The following RUNX2 variants were observed in gnomAD, a reference collection of about 807,000 sequenced individuals.
The protein encoded by RUNX2 is runt-related transcription factor 2.
RUNX2 carries 10 observed loss-of-function variants against 51.7 expected under a neutral mutation model. The observed-to-expected ratio is 0.19, with a 90% CI of 0.12 to 0.33. The LOEUF is 0.33. Among genes scored for constraint, RUNX2 ranks in the 10% least tolerant of loss-of-function variants. RUNX2 has a pLI of 1.00. For synonymous variants in RUNX2, 276 were observed against 273.6 expected, an observed-to-expected ratio of 1.01 and a Z score of -0.09; for missense variants, 562 against 691.3, an observed-to-expected ratio of 0.81 and a Z score of 2.10.
At chr6:45,397,323 A>T (rs1395913787) in intron 2 of RUNX2, among the ~76,000 whole-genome samples, 2 of 151,712 alleles carry the variant, frequency 1.3e-5, no homozygotes, top group African/African-American at 2.4e-5. Context: ...CTTAGCCAGG[A>T]TGGTCTCGAT....
intron 7 of RUNX2, among the ~76,000 whole-genome samples, chr6:45,513,289 G>T (rs139253211): frequency 6.6e-6 from 1 of 152,058 alleles, no homozygotes; most frequent in African/African-American, 2.4e-5. Context: ...AATGACGTAC[G>T]TCCACAGAGG....
At chr6:45,397,880 A>G (rs1045649832) in intron 2 of RUNX2, among the ~76,000 whole-genome samples, 2 of 152,222 alleles carry the variant, frequency 1.3e-5, no homozygotes, top group Non-Finnish European at 2.9e-5. Context: ...TGGAATAACA[A>G]TATTGACCTA....
chr6:45,525,765 C>T (rs1312412218), intron 7 of RUNX2, among the ~76,000 whole-genome samples: 2 of 152,188 alleles, frequency 1.3e-5, no homozygotes, highest in East Asian at 1.9e-4. Context: ...GAGGCTGAGG[C>T]GGGCAGTTTG....
At chr6:45,362,779 T>C (rs901861534) in intron 2 of RUNX2, among the ~76,000 whole-genome samples, 1 of 152,102 alleles carries the variant, frequency 6.6e-6, no homozygotes, top group Non-Finnish European at 1.5e-5. Context: ...GGTACATTGG[T>C]TGGGAAGATG....
chr6:45,401,136 CA>C (rs1199003375), intron 2 of RUNX2, among the ~76,000 whole-genome samples: 4 of 152,184 alleles, frequency 2.6e-5, no homozygotes, highest in Non-Finnish European at 5.9e-5. Flanking sequence ...TTCAGCCATC[CA>C]TCCTACCCTC....
intron 5 of RUNX2, among the ~76,000 whole-genome samples, chr6:45,473,502 G>A (rs1403640390): frequency 6.6e-6 from 1 of 152,188 alleles, no homozygotes; most frequent in Non-Finnish European, 1.5e-5. Flanking sequence ...TGGGGGAGCG[G>A]TGGCGGCGGT....
At chr6:45,488,158 G>T (rs935814579) in intron 5 of RUNX2, among the ~76,000 whole-genome samples, 2 of 152,146 alleles carry the variant, frequency 1.3e-5, no homozygotes, top group Non-Finnish European at 2.9e-5. Flanking sequence ...GGAGAGAACT[G>T]AATCGATTTG....
At chr6:45,464,572 C>G (rs1177503524) in intron 5 of RUNX2, among the ~76,000 whole-genome samples, 1 of 152,166 alleles carries the variant, frequency 6.6e-6, no homozygotes, top group African/African-American at 2.4e-5. Context: ...ATTTTTCTAT[C>G]TGTTGCTTTA....
chr6:45,336,083 T>C (rs1562973940), intron 2 of RUNX2, among the ~76,000 whole-genome samples: 2 of 151,376 alleles, frequency 1.3e-5, no homozygotes. Context: ...CCTTTTCACA[T>C]ATTATAAACT....
chr6:45,432,882 AT>A (rs1315587458), intron 4 of RUNX2, among the ~76,000 whole-genome samples: 1 of 152,198 alleles, frequency 6.6e-6, no homozygotes. Flanking sequence ...CATTTTAAGT[AT>A]TTTGATAAGA....
chr6:45,549,105 C>T lies in RUNX2; in HGVS notation c.*1800C>T. ...AGCTAGAGTCCTTCTGTGGCATGCA[C>T]TTTGACCACTCCTGGCAGTCACATG... On this transcript the variant is annotated 3_prime_UTR_variant, in exon 9 of 9. Coordinates refer to ENST00000647337, the MANE Select transcript of RUNX2 (RefSeq NM_001024630.4). The T allele has an allele frequency of 2.5e-6, 1 of 398,610 alleles. No homozygotes were observed. The highest frequency in any genetic ancestry group is 4.4e-6 in the Non-Finnish European group (1 of 226,096). The allele number at this position is 398,610 out of a possible 1,614,324, so 24.7% of individuals were successfully genotyped here.
chr6:45,463,764 T>A (rs892107367), intron 5 of RUNX2, among the ~76,000 whole-genome samples: 20 of 152,184 alleles, frequency 1.3e-4, no homozygotes, highest in African/African-American at 4.8e-4. Flanking sequence ...CAGTGAGGGA[T>A]TTGCATCCAG....
rs778716561 is a variant in RUNX2, at chr6:45,550,455, C to T, written c.*3150C>T. Reference sequence around the variant, plus strand: ...GATGTGTGTACAGCTTTAAGGATTCCCTCAATTCCGAGGAAAGGGACTGGC... The same window carrying T: ...GATGTGTGTACAGCTTTAAGGATTCTCTCAATTCCGAGGAAAGGGACTGGC... On this transcript the variant is annotated 3_prime_UTR_variant, in exon 9 of 9. Coordinates refer to ENST00000647337, the MANE Select transcript of RUNX2 (RefSeq NM_001024630.4). 6.6e-6 allele frequency: 1 copy of T among 152,332 alleles called. No individual in the cohort carries two copies. Among genetic ancestry groups the T allele is most frequent in the South Asian group, 2.1e-4 (1 of 4,826 alleles). 9.4% of individuals were successfully genotyped at this position (152,332 alleles called of 1,614,324 possible).
At chr6:45,481,095 G>T (rs1302216568) in intron 5 of RUNX2, among the ~76,000 whole-genome samples, 2 of 152,104 alleles carry the variant, frequency 1.3e-5, no homozygotes, top group Non-Finnish European at 2.9e-5. Context: ...CTGTCTCTCT[G>T]TTTCTCTGTC....
chr6:45,485,950 A>G (rs1211690002), intron 5 of RUNX2, among the ~76,000 whole-genome samples: 2 of 151,718 alleles, frequency 1.3e-5, no homozygotes, highest in Non-Finnish European at 2.9e-5. Flanking sequence ...ATTATGAAAA[A>G]TTTCAAACAT....
chr6:45,533,423 T>A (rs1459806245), intron 7 of RUNX2, among the ~76,000 whole-genome samples: 2 of 87,582 alleles, frequency 2.3e-5, no homozygotes, highest in Non-Finnish European at 4.3e-5. Context: ...TCTTGTCCAT[T>A]GTTAAAAAGA....
chr6:45,403,434 T>C (rs987343429), intron 2 of RUNX2, among the ~76,000 whole-genome samples: 1 of 152,098 alleles, frequency 6.6e-6, no homozygotes, highest in Non-Finnish European at 1.5e-5. Flanking sequence ...GGTTTCTCCA[T>C]GTTGGTCAGG....
chr6:45,512,204 A>C (rs201760520), intron 6 of RUNX2, 42 bp from the exon 7 acceptor site: 18 of 1,603,552 alleles, frequency 1.1e-5, no homozygotes, highest in Non-Finnish European at 1.4e-5. Context: ...CTAAGGCTGC[A>C]ATGGTTGCTA....
At chr6:45,333,084 A>C (rs1787836020) in intron 2 of RUNX2, among the ~76,000 whole-genome samples, 1 of 151,726 alleles carries the variant, frequency 6.6e-6, no homozygotes, top group African/African-American at 2.4e-5. Context: ...AGCATGTGAA[A>C]ATTCTTCATC....
Sources: allele counts gnomAD v4.1 joint callset (sites outside exome capture counted in the v4.1 genomes callset), GRCh38; gene constraint gnomAD v4.1.1; transcripts MANE v1.5; gene names NCBI Gene and HGNC (gene_info 2026-07-23, HGNC 2026-07-21).